GNAT3: variants seen among roughly 807,000 people sequenced by gnomAD.
The protein encoded by GNAT3 is G protein subunit alpha transducin 3.
GNAT3 carries 31 observed loss-of-function variants against 37.7 expected under a neutral mutation model. The ratio of observed to expected loss-of-function variants is 0.82; its 90% CI spans 0.62 to 1.11. GNAT3 has a LOEUF of 1.11. Among genes scored for constraint, GNAT3 ranks in the 50% most tolerant of loss-of-function variants. The probability of loss-of-function intolerance (pLI) is 0.00; values close to 1 mark genes in which losing one functional copy is unlikely to be tolerated. For synonymous variants in GNAT3, 138 were observed against 139.8 expected, an observed-to-expected ratio of 0.99 and a Z score of 0.09; for missense variants, 437 against 412.5, an observed-to-expected ratio of 1.06 and a Z score of -0.51.
rs140470452 is a variant in GNAT3 at position 80,460,220 on chromosome 7, G to T, written c.875-1359C>A. On this transcript the variant is annotated intron_variant, in intron 7 of 7. Coordinates refer to ENST00000398291, the MANE Select transcript of GNAT3 (RefSeq NM_001102386.3). ...TATTGCAAATGAAAGAAGACAGTAAGAAAATGCTACATGTCATATGATTCC... is the reference window on the plus strand; with the variant it reads ...TATTGCAAATGAAAGAAGACAGTAATAAAATGCTACATGTCATATGATTCC... Among the ~76,000 whole-genome samples, 21 of 152,216 alleles carry T rather than the reference G, an allele frequency of 1.4e-4. No homozygotes were observed. The East Asian group carries it at 4.1e-3, about 29-fold the overall frequency.
intron 1 of GNAT3, among the ~76,000 whole-genome samples, chr7:80,499,154 C>T (rs923565628): frequency 2.0e-5 from 3 of 152,076 alleles, no homozygotes; most frequent in African/African-American, 7.2e-5. Context: ...ACCAGCTATG[C>T]ACATCTCTTC....
chr7:80,495,710 G>T (rs1192459486), intron 1 of GNAT3, among the ~76,000 whole-genome samples: 1 of 152,004 alleles, frequency 6.6e-6, no homozygotes, highest in Non-Finnish European at 1.5e-5. Flanking sequence ...CTCGTGATCT[G>T]CCTGCCTTAG....
chr7:80,478,472 C>T (rs960064614), intron 4 of GNAT3, among the ~76,000 whole-genome samples: 3 of 152,142 alleles, frequency 2.0e-5, no homozygotes, highest in Non-Finnish European at 2.9e-5. Flanking sequence ...GAGATGATTT[C>T]ACTAATATGG....
chr7:80,477,504 A>G (rs1790326585), intron 4 of GNAT3, among the ~76,000 whole-genome samples: 2 of 152,174 alleles, frequency 1.3e-5, no homozygotes, highest in Non-Finnish European at 2.9e-5. Context: ...AAACTCCTCC[A>G]AAAGCAATGT....
At chr7:80,473,857 G>A (rs561366411) in intron 5 of GNAT3, among the ~76,000 whole-genome samples, 1 of 152,266 alleles carries the variant, frequency 6.6e-6, no homozygotes, top group East Asian at 1.9e-4. Flanking sequence ...TAAGGAAACA[G>A]ATGTTATAGG....
At chr7:80,507,090 T>C (rs998259268) in intron 1 of GNAT3, among the ~76,000 whole-genome samples, 24 of 152,108 alleles carry the variant, frequency 1.6e-4, no homozygotes, top group African/African-American at 5.8e-4. Flanking sequence ...TACATGTTGT[T>C]AAGAAGATTC....
intron 2 of GNAT3, among the ~76,000 whole-genome samples, chr7:80,490,128 T>A (rs1369875939): frequency 6.6e-6 from 1 of 152,170 alleles, no homozygotes; most frequent in Non-Finnish European, 1.5e-5. Context: ...TGTGACATAC[T>A]GTGTTATGTG....
intron 1 of GNAT3, among the ~76,000 whole-genome samples, chr7:80,505,142 T>C (rs1562736014): frequency 6.6e-6 from 1 of 152,066 alleles, no homozygotes; most frequent in East Asian, 1.9e-4. Flanking sequence ...AGGAAAATGG[T>C]AAATGGAGAA....
chr7:80,506,739 T>G (rs892370458), intron 1 of GNAT3, among the ~76,000 whole-genome samples: 3 of 152,120 alleles, frequency 2.0e-5, no homozygotes, highest in Non-Finnish European at 4.4e-5. Flanking sequence ...AAATAAATAA[T>G]TTGTTTATTT....
At chr7:80,487,602 A>G (rs1236061625) in intron 3 of GNAT3, 1 of 152,112 alleles carries the variant, frequency 6.6e-6, no homozygotes, top group Non-Finnish European at 1.5e-5. Flanking sequence ...TAAAAGGTCC[A>G]CTAAGCTGGG....
chr7:80,469,477 A>G (rs1452711640), intron 5 of GNAT3, among the ~76,000 whole-genome samples: 1 of 152,158 alleles, frequency 6.6e-6, no homozygotes, highest in African/African-American at 2.4e-5. Context: ...ATTAATGTCT[A>G]TAAAGATAAT....
chr7:80,486,765 A>G (rs927183482), intron 3 of GNAT3, among the ~76,000 whole-genome samples: 8 of 151,052 alleles, frequency 5.3e-5, no homozygotes, highest in African/African-American at 9.7e-5. Context: ...ATGAGACACC[A>G]TATCTGGTCA....
intron 1 of GNAT3, among the ~76,000 whole-genome samples, chr7:80,505,119 G>A (rs1205908690): frequency 6.6e-6 from 1 of 152,102 alleles, no homozygotes; most frequent in African/African-American, 2.4e-5. Context: ...AAATCAGTTG[G>A]GAGAAGTGTA....
At chr7:80,478,811 T>G (rs1295163741) in intron 4 of GNAT3, 30 bp downstream of exon 4, 2 of 1,598,316 alleles carry the variant, frequency 1.3e-6, no homozygotes, top group Non-Finnish European at 1.7e-6. Context: ...ATGTTTTACC[T>G]CCAATTCCCC....
rs534902139 is a variant in GNAT3 at position 80,458,676 on chromosome 7, A to C, written c.1060T>G (p.Phe354Val). The change falls in exon 8 of 8, where the codon TTC becomes GTC. Residue 354 changes from phenylalanine to valine, a missense_variant. Physicochemically the swap from Phe to Val is conservative, Grantham distance 50. Transcript: ENST00000398291. ...GTGGAAGAGAAAATAGTTGATTAGA[A>C]AAGCCCACAGTCTTTTAGATTCTCT... ...IKENLKDCGL[F>V] is the part of the protein sequence containing the mutation. The C allele has an allele frequency of 2.9e-5, 45 of 1,530,572 alleles. No homozygotes were observed. The Middle Eastern group carries it at 5.2e-4, about 18-fold the overall frequency. The allele number at this position is 1,530,572 out of a possible 1,614,324, so 94.8% of individuals were successfully genotyped here. A position where few individuals can be genotyped will look rare whatever the true frequency, so the allele number is the denominator to read the frequency against.
At chr7:80,468,859 A>G (rs1790164859) in intron 5 of GNAT3, among the ~76,000 whole-genome samples, 1 of 152,126 alleles carries the variant, frequency 6.6e-6, no homozygotes, top group Non-Finnish European at 1.5e-5. Flanking sequence ...TGAAACTTCA[A>G]ATGCCCACTA....
At chr7:80,459,146 C>CTG (rs1169412985) in intron 7 of GNAT3, among the ~76,000 whole-genome samples, 2 of 151,946 alleles carry the variant, frequency 1.3e-5, no homozygotes, top group African/African-American at 4.8e-5. Context: ...ACATCAAACA[C>CTG]TGTGTGTGTG....
At chr7:80,477,342 C>A (rs1481111343) in intron 4 of GNAT3, among the ~76,000 whole-genome samples, 1 of 152,094 alleles carries the variant, frequency 6.6e-6, no homozygotes, top group Admixed American at 6.6e-5. Context: ...ACTACCTTTA[C>A]CAATGAATAG....
At chr7:80,472,346 G>A (rs1483224026) in intron 5 of GNAT3, among the ~76,000 whole-genome samples, 4 of 152,098 alleles carry the variant, frequency 2.6e-5, no homozygotes, top group African/African-American at 9.7e-5. Context: ...TACTGCCCCA[G>A]AAACCCTGCT....
Sources: allele counts gnomAD v4.1 joint callset (sites outside exome capture counted in the v4.1 genomes callset), GRCh38; gene constraint gnomAD v4.1.1; transcripts MANE v1.5; gene names NCBI Gene and HGNC (gene_info 2026-07-23, HGNC 2026-07-21).